Variants in PMPCA observed in about 807,000 individuals in gnomAD.
The protein encoded by PMPCA is mitochondrial-processing peptidase subunit alpha.
PMPCA carries 47 observed loss-of-function variants against 59.3 expected under a neutral mutation model. The observed-to-expected ratio is 0.79, with a 90% CI of 0.63 to 1.01. The LOEUF (loss-of-function observed/expected upper bound fraction) is 1.01, where lower values mean the gene tolerates loss of function less well. Among genes scored for constraint, PMPCA ranks in the 50% least tolerant of loss-of-function variants. The probability of loss-of-function intolerance (pLI) is 0.00; values close to 1 mark genes in which losing one functional copy is unlikely to be tolerated. For synonymous variants in PMPCA, 338 were observed against 290.3 expected, an observed-to-expected ratio of 1.16 and a Z score of -1.67; for missense variants, 726 against 704.5, an observed-to-expected ratio of 1.03 and a Z score of -0.34.
chr9:136,417,771 G>GTT (rs61320665), intron 7 of PMPCA, among the ~76,000 whole-genome samples: 1 of 146,650 alleles, frequency 6.8e-6, no homozygotes, highest in African/African-American at 2.5e-5. Context: ...ATATACATAT[G>GTT]TTTTTTTTTT....
In PMPCA at chr9:136,414,639, G is replaced by A. The variant is rs142513180; in HGVS notation, c.524G>A (p.Arg175Gln). The A allele has an allele frequency of 1.9e-5, 30 of 1,609,442 alleles. No individual in the cohort carries two copies. The African/African-American group carries it at 2.8e-4, about 15-fold the overall frequency. ...ALLADVVLQPRLTDEEVEMTR... is the reference protein window; with the variant it reads ...ALLADVVLQPQLTDEEVEMTR... Reference sequence around the variant, plus strand: ...CTGGCTGATGTGGTTCTGCAGCCCCGGCTAACAGGTGTGGATCCCAGCCGC... The same window carrying A: ...CTGGCTGATGTGGTTCTGCAGCCCCAGCTAACAGGTGTGGATCCCAGCCGC... Residue 175 changes from arginine to glutamine, a missense_variant, in exon 5 of 13, where the codon CGG (arginine) becomes CAG (glutamine). Transcript: ENST00000371717.
chr9:136,416,602 C>T, intron 6 of PMPCA: 1 of 630,496 alleles, frequency 1.6e-6, no homozygotes, highest in Non-Finnish European at 2.9e-6. Context: ...CTGCCTCTGC[C>T]TCCCAAGTAG....
At chr9:136,422,303 T>A (rs1255732974) in intron 12 of PMPCA, 1 of 1,234,352 alleles carries the variant, frequency 8.1e-7, no homozygotes, top group Non-Finnish European at 1.0e-6. Flanking sequence ...AGTAGAGGAC[T>A]GCTACATTGT....
chr9:136,418,161 C>G, intron 8 of PMPCA, 52 bp downstream of exon 8: 2 of 1,299,304 alleles, frequency 1.5e-6, no homozygotes, highest in Non-Finnish European at 2.2e-6. Flanking sequence ...GTGGCCGGCT[C>G]AGCCAGCCCT....
Position 136,417,021 on chromosome 9 carries a change from G to A in PMPCA, c.704G>A (p.Arg235Gln), listed in dbSNP as rs539008499. 25 of 1,613,592 alleles carry A rather than the reference G, an allele frequency of 1.5e-5. No homozygotes were observed. Among genetic ancestry groups the A allele is most frequent in the South Asian group, 1.2e-4 (11 of 91,062 alleles). ...CPTENVAKIN[R>Q]EVLHSYLRNY... is the part of the protein sequence containing the mutation. ...ACAGAAAACGTAGCAAAGATCAACCGAGAGGTGCTGCATTCCTACCTGAGG... is the reference window on the plus strand; with the variant it reads ...ACAGAAAACGTAGCAAAGATCAACCAAGAGGTGCTGCATTCCTACCTGAGG... Residue 235 changes from arginine (R) to glutamine (Q), a missense_variant, in exon 7 of 13, where the codon CGA (arginine) becomes CAA (glutamine). Transcript: ENST00000371717.
Position 136,416,973 on chromosome 9 carries a change from T to C in PMPCA, c.656T>C (p.Val219Ala). 1 of 1,611,788 alleles carries C rather than the reference T, an allele frequency of 6.2e-7. No homozygotes were observed. The highest frequency in any genetic ancestry group is 8.5e-7 in the Non-Finnish European group (1 of 1,179,740). The change falls in exon 7 of 13, where the codon GTT (valine) becomes GCT (alanine). Residue 219 changes from valine (V) to alanine (A), a missense_variant. By Grantham distance (64) the Val-to-Ala change is moderately conservative. Coordinates refer to ENST00000371717, the MANE Select transcript of PMPCA (RefSeq NM_015160.3). ...IHEAAYRENT[V>A]GLHRFCPTEN... Reference sequence around the variant, plus strand: ...TAGGCGGCTTACAGGGAGAACACAGTTGGCCTCCACCGTTTCTGCCCCACA... The same window carrying C: ...TAGGCGGCTTACAGGGAGAACACAGCTGGCCTCCACCGTTTCTGCCCCACA...
chr9:136,421,715 CT>C, intron 11 of PMPCA, 116 bp from the exon 12 acceptor site: 1 of 1,017,948 alleles, frequency 9.8e-7, no homozygotes, highest in Non-Finnish European at 1.4e-6. Flanking sequence ...CCCGGCTGCC[CT>C]TCCCTTTCTT....
chr9:136,419,582 A>AT (rs1046660771), intron 11 of PMPCA: 77 of 189,332 alleles, frequency 4.1e-4, no homozygotes, highest in South Asian at 6.9e-4. Flanking sequence ...TTGTTTACCA[A>AT]TTTTTTTTTG....
chr9:136,417,949 C>T (rs548896648), intron 7 of PMPCA, 68 bp from the exon 8 acceptor site: 3 of 1,074,928 alleles, frequency 2.8e-6, no homozygotes, highest in South Asian at 2.5e-5. Flanking sequence ...TGAAGATGAT[C>T]TCATCTGGGG....
chr9:136,415,286 T>A (rs142620123), intron 5 of PMPCA, among the ~76,000 whole-genome samples: 3 of 152,310 alleles, frequency 2.0e-5, no homozygotes, highest in African/African-American at 7.2e-5. Flanking sequence ...AAGTCCTTAG[T>A]GTTTGAGAGA....
chr9:136,413,669 A>G (rs187170577), intron 4 of PMPCA, among the ~76,000 whole-genome samples: 113 of 151,858 alleles, frequency 7.4e-4, no homozygotes, highest in Non-Finnish European at 1.3e-3. Flanking sequence ...TGATTCTCCG[A>G]CTCTTGCCTC....
Position 136,412,392 on chromosome 9 carries a change from C to G in PMPCA, c.275-98C>G, listed in dbSNP as rs1417509137. The stretch of plus-strand genomic sequence containing the variant: ...CACAATCACCCTCATGTAATTAAAT[C>G]TGATTATCATGTCATATTGACATCT... On this transcript the variant is annotated intron_variant, in intron 2 of 12. Coordinates refer to ENST00000371717, the MANE Select transcript of PMPCA (RefSeq NM_015160.3). 3.9e-6 allele frequency: 3 copies of G among 765,074 alleles called. No individual in the cohort carries two copies. The African/African-American group carries it at 5.2e-5, about 13-fold the overall frequency. The allele number at this position is 765,074 out of a possible 1,614,324, so 47.4% of individuals were successfully genotyped here. A position where few individuals can be genotyped will look rare whatever the true frequency, so the allele number is the denominator to read the frequency against.
rs1235969290 is a variant in PMPCA, at chr9:136,416,317, G to A, written c.559G>A (p.Ala187Thr). 5.6e-6 allele frequency: 9 copies of A among 1,613,880 alleles called. No homozygotes were observed. Among genetic ancestry groups the A allele is most frequent in the Non-Finnish European group, 7.6e-6 (9 of 1,179,892 alleles). The change falls in exon 6 of 13, where the codon GCG becomes ACG. Residue 187 changes from alanine to threonine, a missense_variant. Ala to Thr is a moderately conservative substitution (Grantham distance 58). Transcript: ENST00000371717. ...TGAAGAAGTCGAGATGACGCGGATGGCGGTCCAGTTTGAGCTGGAGGACCT... is the reference window on the plus strand; with the variant it reads ...TGAAGAAGTCGAGATGACGCGGATGACGGTCCAGTTTGAGCTGGAGGACCT... ...TDEEVEMTRM[A>T]VQFELEDLNL...
chr9:136,421,499 T>C (rs1336774304), intron 11 of PMPCA, among the ~76,000 whole-genome samples: 8 of 144,762 alleles, frequency 5.5e-5, no homozygotes, highest in Non-Finnish European at 1.0e-4. Context: ...AAGCTCCGCC[T>C]CCCGGGTTCA....
rs3812582 is a variant in PMPCA, at chr9:136,417,062, G to A, written c.745G>A (p.Asp249Asn). The change falls in exon 7 of 13, where the codon GAC becomes AAC. Residue 249 changes from aspartate (D) to asparagine (N), a missense_variant. Asp to Asn is a conservative substitution (Grantham distance 23). Transcript: ENST00000371717. ...HSYLRNYYTPDRMVLAGVGVE... is the reference protein window; with the variant it reads ...HSYLRNYYTPNRMVLAGVGVE... ...CTACCTGAGGAACTACTACACTCCC[G>A]ACCGCATGGTGCTGGCCGGCGTGGG... is the stretch of plus-strand genomic sequence containing the variant. 25 of 1,613,832 alleles carry A rather than the reference G, an allele frequency of 1.5e-5. No homozygotes were observed. In the East Asian group the frequency reaches 3.6e-4, roughly 23 times the overall value.
rs368853214 is a variant in PMPCA, at chr9:136,418,925, G to T, written c.1200+7G>T. 139 of 1,612,378 alleles carry T rather than the reference G, an allele frequency of 8.6e-5. No homozygotes were observed. The highest frequency in any genetic ancestry group is 1.1e-4 in the Non-Finnish European group (126 of 1,178,696). On this transcript the variant is annotated splice_region_variant and intron_variant, in intron 10 of 12. Coordinates refer to ENST00000371717, the MANE Select transcript of PMPCA (RefSeq NM_015160.3). ...CAGCGCCGACCCAAGACAGGTGAGG[G>T]CCCCGCCTGCCACCGTCCTCAGTGC... is the stretch of plus-strand genomic sequence containing the variant.
chr9:136,419,117 T>C lies in PMPCA; in HGVS notation c.1263+11T>C, dbSNP rs780667728. The C allele has an allele frequency of 5.6e-6, 9 of 1,610,740 alleles. No individual in the cohort carries two copies. In the African/African-American group the frequency reaches 9.4e-5, roughly 17 times the overall value. On this transcript the variant is annotated intron_variant, in intron 11 of 12. Transcript: ENST00000371717. ...GGAACCGTGGACACGGTAAGTGCAG[T>C]GTGGCGCCATTTCCAGGCGTACCTG... is the stretch of plus-strand genomic sequence containing the variant.
chr9:136,416,273 C>T lies in PMPCA; in HGVS notation c.533-18C>T. On this transcript the variant is annotated intron_variant, in intron 5 of 12. Coordinates refer to ENST00000371717, the MANE Select transcript of PMPCA (RefSeq NM_015160.3). The stretch of plus-strand genomic sequence containing the variant: ...CTGCCTGTGCAGACTCAGCCCTGGC[C>T]TTTGGGTTCTCTTGCAGATGAAGAA... 6.3e-7 allele frequency: 1 copy of T among 1,595,244 alleles called. No individual in the cohort carries two copies. The highest frequency in any genetic ancestry group is 8.6e-7 in the Non-Finnish European group (1 of 1,163,948).
At position 136,414,545 on chromosome 9, in the gene PMPCA, T is replaced by C; in HGVS notation, c.438-8T>C. ...GGCCTGGCATTATGGGCTTGTGTTT[T>C]CTTCCAGAGACACCACCATGTATGC... On this transcript the variant is annotated splice_polypyrimidine_tract_variant and splice_region_variant and intron_variant, in intron 4 of 12. Coordinates refer to ENST00000371717, the MANE Select transcript of PMPCA (RefSeq NM_015160.3). The C allele has an allele frequency of 6.3e-7, 1 of 1,597,952 alleles. No individual in the cohort carries two copies. The highest frequency in any genetic ancestry group is 8.6e-7 in the Non-Finnish European group (1 of 1,165,528).
Sources: allele counts gnomAD v4.1 joint callset (sites outside exome capture counted in the v4.1 genomes callset), GRCh38; gene constraint gnomAD v4.1.1; transcripts MANE v1.5; gene names NCBI Gene and HGNC (gene_info 2026-07-23, HGNC 2026-07-21).